MYRIP: variants seen among roughly 807,000 people sequenced by gnomAD.
MYRIP encodes the protein myosin VIIA and Rab interacting protein.
Under a neutral mutation model 98.0 loss-of-function variants are expected in MYRIP, and 49 were observed. That is an observed-to-expected ratio of 0.50 (90% CI 0.40 to 0.63). The LOEUF is 0.63. MYRIP is among the 30% of genes least tolerant of loss of function. The probability of loss-of-function intolerance (pLI) is 0.00; values close to 1 mark genes in which losing one functional copy is unlikely to be tolerated. For missense variants in MYRIP, 1,004 were observed against 1,058.2 expected, an observed-to-expected ratio of 0.95 and a Z score of 0.71; for synonymous variants, 404 against 409.5, an observed-to-expected ratio of 0.99 and a Z score of 0.16.
intron 3 of MYRIP, among the ~76,000 whole-genome samples, chr3:40,056,320 A>G (rs940834965): frequency 1.3e-5 from 2 of 152,178 alleles, no homozygotes; most frequent in Non-Finnish European, 2.9e-5. Context: ...GATTGAGAAC[A>G]TGGGAGAACT....
At chr3:39,889,121 C>T (rs1346887254) in intron 1 of MYRIP, among the ~76,000 whole-genome samples, 5 of 152,232 alleles carry the variant, frequency 3.3e-5, no homozygotes, top group East Asian at 1.9e-4. Context: ...GTCAGTGTGG[C>T]GATTCCTCAG....
chr3:39,972,899 G>A (rs1585287), intron 2 of MYRIP, among the ~76,000 whole-genome samples: 76,318 of 151,598 alleles, frequency 0.5, 20,945 homozygotes, highest in African/African-American at 0.75. Context: ...TCTCGGTGCA[G>A]CTGATGAGTA....
At chr3:39,813,802 C>T (rs778371403) in intron 1 of MYRIP, among the ~76,000 whole-genome samples, 1 of 152,190 alleles carries the variant, frequency 6.6e-6, no homozygotes, top group Non-Finnish European at 1.5e-5. Context: ...GGGGTCAAGT[C>T]CATTCAACCT....
intron 10 of MYRIP, among the ~76,000 whole-genome samples, chr3:40,192,592 A>T (rs2261542): frequency 6.6e-6 from 1 of 151,630 alleles, no homozygotes; most frequent in East Asian, 2.0e-4. Context: ...AATTGGCAAC[A>T]TGCTGTCCAT....
chr3:40,115,474 C>T (rs1161213865), intron 3 of MYRIP, among the ~76,000 whole-genome samples: 1 of 152,162 alleles, frequency 6.6e-6, no homozygotes, highest in Non-Finnish European at 1.5e-5. Flanking sequence ...CATCAAATCT[C>T]ATGAGAACTC....
chr3:39,831,015 C>G (rs554808114), intron 1 of MYRIP, among the ~76,000 whole-genome samples: 5 of 152,282 alleles, frequency 3.3e-5, no homozygotes, highest in Non-Finnish European at 7.4e-5. Flanking sequence ...ACTCATGATA[C>G]TTAAAATTTT....
At chr3:40,202,829 C>T (rs767202993) in intron 10 of MYRIP, among the ~76,000 whole-genome samples, 7 of 152,116 alleles carry the variant, frequency 4.6e-5, no homozygotes, top group Non-Finnish European at 1.0e-4. Flanking sequence ...TGCACCCAAA[C>T]AGTGTGCTCA....
chr3:39,999,102 C>T (rs1380140892), intron 2 of MYRIP, among the ~76,000 whole-genome samples: 2 of 152,178 alleles, frequency 1.3e-5, no homozygotes, highest in Admixed American at 1.3e-4. Flanking sequence ...CAATACCATT[C>T]AGGACATAGG....
At chr3:39,858,942 A>G (rs561818342) in intron 1 of MYRIP, among the ~76,000 whole-genome samples, 98 of 152,080 alleles carry the variant, frequency 6.4e-4, no homozygotes, top group Non-Finnish European at 1.3e-3. Flanking sequence ...AAAAAGAAAG[A>G]TTTCAAATAA....
At chr3:40,137,028 A>C (rs1310508050) in intron 3 of MYRIP, among the ~76,000 whole-genome samples, 1 of 152,210 alleles carries the variant, frequency 6.6e-6, no homozygotes, top group Non-Finnish European at 1.5e-5. Context: ...AGAAATAACT[A>C]AGATCAGAGC....
At chr3:40,251,508 G>A (rs1191925685) in intron 15 of MYRIP, among the ~76,000 whole-genome samples, 1 of 152,150 alleles carries the variant, frequency 6.6e-6, no homozygotes, top group Non-Finnish European at 1.5e-5. Context: ...CCATGAGATG[G>A]ACAAGGACAT....
intron 2 of MYRIP, among the ~76,000 whole-genome samples, chr3:39,999,787 C>A (rs557241116): frequency 1.5e-3 from 225 of 152,158 alleles, no homozygotes; most frequent in African/African-American, 5.1e-3. Flanking sequence ...AAATGTCCAA[C>A]AATGATAGAC....
At chr3:39,989,285 C>T (rs949550753) in intron 2 of MYRIP, among the ~76,000 whole-genome samples, 2 of 152,112 alleles carry the variant, frequency 1.3e-5, no homozygotes, top group African/African-American at 4.8e-5. Flanking sequence ...TCAGGTCCCT[C>T]TTCTGTAGGG....
Position 39,896,651 on chromosome 3 carries a change from C to G in MYRIP, c.-30-4136C>G, listed in dbSNP as rs186700164. Among the ~76,000 whole-genome samples, 80 of 152,302 alleles carry G rather than the reference C, an allele frequency of 5.3e-4. 1 individual carries two copies. The highest frequency in any genetic ancestry group is 9.4e-4 in the Non-Finnish European group (64 of 68,030). On this transcript the variant is annotated intron_variant, in intron 1 of 16. Coordinates refer to ENST00000302541, the MANE Select transcript of MYRIP (RefSeq NM_015460.4). Reference sequence around the variant, plus strand: ...CCCCAGCAATAATTACCCTTTATCACTCTTAGGAATTTATAGTTTTATTTT... The same window carrying G: ...CCCCAGCAATAATTACCCTTTATCAGTCTTAGGAATTTATAGTTTTATTTT...
At chr3:40,100,165 C>A (rs1202946971) in intron 3 of MYRIP, 4 of 985,300 alleles carry the variant, frequency 4.1e-6, no homozygotes, top group Non-Finnish European at 4.8e-6. Context: ...GCTCTGTGCC[C>A]TGTGTCCTGG....
intron 8 of MYRIP, among the ~76,000 whole-genome samples, chr3:40,175,614 C>T (rs1481057727): frequency 6.6e-6 from 1 of 152,260 alleles, no homozygotes; most frequent in Non-Finnish European, 1.5e-5. Flanking sequence ...AGCACCATAG[C>T]AGGGCCAGCC....
intron 1 of MYRIP, among the ~76,000 whole-genome samples, chr3:39,845,412 C>T (rs190362146): frequency 1.3e-5 from 2 of 152,164 alleles, no homozygotes; most frequent in Admixed American, 6.6e-5. Context: ...ATTTTATTTT[C>T]TCATTTTTTA....
intron 2 of MYRIP, among the ~76,000 whole-genome samples, chr3:39,912,883 T>C (rs1301130016): frequency 6.6e-6 from 1 of 152,064 alleles, no homozygotes; most frequent in African/African-American, 2.4e-5. Context: ...CTACTAAAAA[T>C]ACAAAAATTA....
At chr3:40,250,386 C>T (rs9826171) in intron 14 of MYRIP, 53 bp from the exon 15 acceptor site, 108,904 of 1,613,068 alleles carry the variant, frequency 0.068, 6,471 homozygotes, top group African/African-American at 0.31. Context: ...ATTTAGAAGA[C>T]AAAATATCTT....
Sources: gnomAD v4.1 joint callset for allele counts (sites outside exome capture counted in the v4.1 genomes callset) on GRCh38, gnomAD v4.1.1 for gene constraint, MANE v1.5 for transcripts, NCBI Gene and HGNC (gene_info 2026-07-23, HGNC 2026-07-21) for gene names.